AGTPBP1: variants seen among roughly 807,000 people sequenced by gnomAD.
AGTPBP1 encodes cytosolic carboxypeptidase 1.
In AGTPBP1, 70 loss-of-function variants were observed where a neutral mutation model predicts 143.9. The observed-to-expected ratio is 0.49, with a 90% CI of 0.40 to 0.59. AGTPBP1 has a LOEUF of 0.59. Ranked by LOEUF, AGTPBP1 falls within the 20% of genes least tolerant of loss-of-function variation. The probability of loss-of-function intolerance (pLI) is 0.00; values close to 1 mark genes in which losing one functional copy is unlikely to be tolerated. For synonymous variants in AGTPBP1, 463 were observed against 500.2 expected (o/e 0.93, Z 0.99); for missense variants, 1,229 against 1,464.5 (o/e 0.84, Z 2.62).
intron 1 of AGTPBP1, among the ~76,000 whole-genome samples, chr9:85,713,644 T>C (rs918291755): frequency 6.6e-6 from 1 of 152,232 alleles, no homozygotes; most frequent in African/African-American, 2.4e-5. Flanking sequence ...AAACTTCAAA[T>C]TGTTTAACTT....
chr9:85,610,031 G>A (rs1830221805), intron 17 of AGTPBP1, among the ~76,000 whole-genome samples: 1 of 152,112 alleles, frequency 6.6e-6, no homozygotes, highest in South Asian at 2.1e-4. Flanking sequence ...ATTTGTCAGG[G>A]GGACTAATCC....
At chr9:85,575,623 A>C (rs763176762) in intron 24 of AGTPBP1, 148 bp from the exon 25 acceptor site, 33 of 526,436 alleles carry the variant, frequency 6.3e-5, no homozygotes, top group Non-Finnish European at 9.5e-5. Flanking sequence ...CAACAAGTTT[A>C]ACATCTTAAC....
intron 13 of AGTPBP1, among the ~76,000 whole-genome samples, chr9:85,634,794 C>A (rs60292661): frequency 6.6e-6 from 1 of 152,114 alleles, no homozygotes; most frequent in African/African-American, 2.4e-5. Context: ...TGAAATGGAA[C>A]TGCAGAATCA....
rs71505763 is a variant in AGTPBP1, at chr9:85,728,030, T to TATATAC, written c.-34+13744_-34+13745insGTATAT. ...CCGTGTCTCAAAATATATATTTATA[T>TATATAC]ACACACACACACACACACACACACA... On this transcript the variant is annotated intron_variant, in intron 1 of 25. Transcript: ENST00000357081. Among the ~76,000 whole-genome samples, 487 of 128,424 alleles carry TATATAC rather than the reference T, an allele frequency of 3.8e-3. 6 individuals are homozygous for TATATAC. The highest frequency in any genetic ancestry group is 0.013 in the African/African-American group (461 of 34,772). The allele number at this position is 128,424 out of a possible 152,430, so 84.3% of individuals were successfully genotyped here.
At chr9:85,772,263 C>G in the AGTPBP1 span, among the ~76,000 whole-genome samples, 11 of 152,276 alleles carry the variant, frequency 7.2e-5, no homozygotes, top group East Asian at 1.9e-4. Flanking sequence ...TGTGAGCCAC[C>G]GTGCCTGGCC....
rs1048230214 is a variant in AGTPBP1 at position 85,685,368 on chromosome 9, T to A, written c.158-4033A>T. Among the ~76,000 whole-genome samples, 9 of 151,644 alleles carry A rather than the reference T, an allele frequency of 5.9e-5. No individual in the cohort carries two copies. The East Asian group carries it at 1.7e-3, about 29-fold the overall frequency. Reference sequence around the variant, plus strand: ...ATAAATAAATAAATCCTGAAATCAGTTAGAAAAAAATCACACATAACATTC... The same window carrying A: ...ATAAATAAATAAATCCTGAAATCAGATAGAAAAAAATCACACATAACATTC... On this transcript the variant is annotated intron_variant, in intron 3 of 25. Coordinates refer to ENST00000357081, the MANE Select transcript of AGTPBP1 (RefSeq NM_001330701.2).
intron 25 of AGTPBP1, among the ~76,000 whole-genome samples, chr9:85,573,001 G>A (rs570030947): frequency 7.8e-4 from 119 of 152,148 alleles, no homozygotes; most frequent in African/African-American, 2.8e-3. Context: ...TGAGACTATT[G>A]TTACCCATAT....
At chr9:85,667,901 T>A (rs1029516464) in intron 8 of AGTPBP1, among the ~76,000 whole-genome samples, 2 of 118,570 alleles carry the variant, frequency 1.7e-5, no homozygotes, top group South Asian at 2.7e-4. Context: ...GCAAGCCAAC[T>A]GTAAAAAAAA....
intron 2 of AGTPBP1, among the ~76,000 whole-genome samples, chr9:85,697,351 T>C (rs374909432): frequency 3.3e-5 from 5 of 150,828 alleles, no homozygotes; most frequent in East Asian, 3.9e-4. Flanking sequence ...TTATTTTTAA[T>C]GCAAAAACAT....
At chr9:85,648,022 C>G (rs1473255405) in intron 11 of AGTPBP1, among the ~76,000 whole-genome samples, 1 of 152,076 alleles carries the variant, frequency 6.6e-6, no homozygotes, top group Non-Finnish European at 1.5e-5. Context: ...GACCAACAAA[C>G]AGGAAAAGAA....
At chr9:85,773,316 A>C in the AGTPBP1 span, among the ~76,000 whole-genome samples, 1 of 139,846 alleles carries the variant, frequency 7.2e-6, no homozygotes, top group Non-Finnish European at 1.5e-5. Context: ...AATTCCAACA[A>C]ATTCTTTTTT....
rs559417672 is a variant in AGTPBP1, at chr9:85,711,693, A to C, written c.32+809T>G. ...GACCTCAGATGACCCACCCGCCTCG[A>C]CCTCCCAAAGTGCTGAGATTACAGG... On this transcript the variant is annotated intron_variant, in intron 2 of 25. Coordinates refer to ENST00000357081, the MANE Select transcript of AGTPBP1 (RefSeq NM_001330701.2). 7.9e-5 allele frequency among the ~76,000 whole-genome samples: 12 copies of C among 151,448 alleles called. No individual in the cohort carries two copies. In the East Asian group the frequency reaches 2.0e-3, roughly 25 times the overall value.
At chr9:85,621,424 G>A in intron 14 of AGTPBP1, 139 bp from the exon 15 acceptor site, 1 of 370,892 alleles carries the variant, frequency 2.7e-6, no homozygotes, top group Non-Finnish European at 4.7e-6. Flanking sequence ...TATATATTTT[G>A]CATACAAAAA....
chr9:85,741,828 A>ATT lies in AGTPBP1; in HGVS notation c.-88_-87insAA, dbSNP rs1824321218. 1.4e-6 allele frequency: 2 copies of ATT among 1,397,778 alleles called. No homozygotes were observed. Among genetic ancestry groups the ATT allele is most frequent in the Admixed American group, 3.0e-5 (1 of 33,458 alleles). 86.6% of individuals were successfully genotyped at this position (1,397,778 alleles called of 1,614,324 possible). A position where few individuals can be genotyped will look rare whatever the true frequency, so the allele number is the denominator to read the frequency against. ...CGCGCAGAGCCGCAGCACCCGGCTC[A>ATT]GCACCTGGATCACGGCGGATCCCTC... is the stretch of plus-strand genomic sequence containing the variant. On this transcript the variant is annotated 5_prime_UTR_variant, in exon 1 of 26. The change creates a new upstream start codon in the 5' untranslated region. Transcript: ENST00000357081.
At chr9:85,802,031 C>G in the AGTPBP1 span, among the ~76,000 whole-genome samples, 1 of 152,116 alleles carries the variant, frequency 6.6e-6, no homozygotes, top group Non-Finnish European at 1.5e-5. Context: ...TACCTCCTTT[C>G]AAAGGATCTT....
intron 1 of AGTPBP1, among the ~76,000 whole-genome samples, chr9:85,724,229 G>A (rs1014354720): frequency 2.0e-5 from 3 of 149,302 alleles, no homozygotes; most frequent in African/African-American, 7.4e-5. Flanking sequence ...AGGGGTTACA[G>A]TGAGCCAAGA....
rs10116141 is a variant in AGTPBP1, at chr9:85,561,435, C to T, written c.3503+13880G>A. Among the ~76,000 whole-genome samples the T allele has an allele frequency of 7.5e-3, 1,122 of 149,588 alleles. 10 individuals carry two copies. The highest frequency in any genetic ancestry group is 0.026 in the African/African-American group (1,048 of 40,860). Reference sequence around the variant, plus strand: ...CATTTTCAAAAGGGCAACAACAAGACAAATAGCTAACTTGACATCCTAACA... The same window carrying T: ...CATTTTCAAAAGGGCAACAACAAGATAAATAGCTAACTTGACATCCTAACA... On this transcript the variant is annotated intron_variant, in intron 25 of 25. Coordinates refer to ENST00000357081, the MANE Select transcript of AGTPBP1 (RefSeq NM_001330701.2).
intron 6 of AGTPBP1, 134 bp downstream of exon 6, chr9:85,677,302 C>T (rs1302497536): frequency 1.3e-6 from 1 of 792,052 alleles, no homozygotes; most frequent in African/African-American, 1.8e-5. Context: ...CCCCCATAAA[C>T]ATGTACAATT....
intron 25 of AGTPBP1, among the ~76,000 whole-genome samples, chr9:85,566,667 T>C (rs748095757): frequency 6.7e-6 from 1 of 149,612 alleles, no homozygotes; most frequent in Non-Finnish European, 1.5e-5. Flanking sequence ...CATATAGAAA[T>C]AAGATATATA....
Sources: allele counts gnomAD v4.1 joint callset (sites outside exome capture counted in the v4.1 genomes callset), GRCh38; gene constraint gnomAD v4.1.1; transcripts MANE v1.5; gene names NCBI Gene and HGNC (gene_info 2026-07-23, HGNC 2026-07-21).